The following ANKS1B variants were observed in gnomAD, a reference collection of about 807,000 sequenced individuals.
The protein encoded by ANKS1B is ankyrin repeat and sterile alpha motif domain containing 1B, also known as ankyrin repeat and sterile alpha motif domain-containing protein 1B.
Under a neutral mutation model 148.3 loss-of-function variants are expected in ANKS1B, and 36 were observed. The observed-to-expected ratio is 0.24, with a 90% CI of 0.19 to 0.32. The LOEUF is 0.32. ANKS1B is among the 10% of genes least tolerant of loss of function. The probability of loss-of-function intolerance (pLI) is 1.00; values close to 1 mark genes in which losing one functional copy is unlikely to be tolerated. For missense variants in ANKS1B, 1,157 were observed against 1,542.6 expected (o/e 0.75, Z 4.19); for synonymous variants, 542 against 560.8 (o/e 0.97, Z 0.47).
At chr12:99,950,328 A>C (rs1426036367) in intron 1 of ANKS1B, among the ~76,000 whole-genome samples, 1 of 151,908 alleles carries the variant, frequency 6.6e-6, no homozygotes, top group Non-Finnish European at 1.5e-5. Context: ...CCTGACTGAT[A>C]AATTATCAAG....
chr12:99,533,068 A>G (rs2097018717), intron 9 of ANKS1B, among the ~76,000 whole-genome samples: 1 of 152,176 alleles, frequency 6.6e-6, no homozygotes, highest in South Asian at 2.1e-4. Flanking sequence ...GTGAAGAATG[A>G]CATTGGTATT....
chr12:99,623,202 C>T (rs1424129833), intron 9 of ANKS1B, among the ~76,000 whole-genome samples: 3 of 151,858 alleles, frequency 2.0e-5, no homozygotes, highest in Non-Finnish European at 4.4e-5. Context: ...AATCTAACAT[C>T]TCTTCATGAT....
intron 14 of ANKS1B, among the ~76,000 whole-genome samples, chr12:99,215,856 A>G (rs1038936930): frequency 1.3e-5 from 2 of 152,200 alleles, no homozygotes; most frequent in African/African-American, 4.8e-5. Flanking sequence ...TTAATGCTAA[A>G]ATGAGTTAAG....
chr12:99,811,786 C>T (rs931951733), intron 3 of ANKS1B, among the ~76,000 whole-genome samples: 1 of 151,828 alleles, frequency 6.6e-6, no homozygotes, highest in Non-Finnish European at 1.5e-5. Flanking sequence ...AAATGATAGG[C>T]ATATCATTGT....
In ANKS1B at chr12:98,829,477, G is replaced by T; in HGVS notation, c.2887-124C>A. 1 of 845,084 alleles carries T rather than the reference G, an allele frequency of 1.2e-6. No homozygotes were observed. The highest frequency in any genetic ancestry group is 1.8e-6 in the Non-Finnish European group (1 of 542,866). 52.3% of individuals were successfully genotyped at this position (845,084 alleles called of 1,614,324 possible). A position where few individuals can be genotyped will look rare whatever the true frequency, so the allele number is the denominator to read the frequency against. ...AGTCGCTTTTGAAGCAACAGCCAAG[G>T]AATGAATGACATTCCACCACTTTAT... On this transcript the variant is annotated intron_variant, in intron 18 of 26. Transcript: ENST00000683438. The surrounding 1 kb of genome is among the most constrained non-coding windows in gnomAD (Gnocchi z 5.2).
chr12:99,548,696 CAAT>C (rs1428413115), intron 9 of ANKS1B, among the ~76,000 whole-genome samples: 1 of 151,996 alleles, frequency 6.6e-6, no homozygotes, highest in Admixed American at 6.6e-5. Context: ...AAAAGAAAAA[CAAT>C]AAGAAAAGGA....
intron 19 of ANKS1B, among the ~76,000 whole-genome samples, chr12:98,824,823 T>G (rs1419244354): frequency 6.6e-6 from 1 of 152,078 alleles, no homozygotes; most frequent in African/African-American, 2.4e-5. Context: ...TGCTGAAGGA[T>G]CAACAAATAA....
intron 12 of ANKS1B, among the ~76,000 whole-genome samples, chr12:99,270,929 T>C (rs1326508276): frequency 6.6e-6 from 1 of 152,218 alleles, no homozygotes; most frequent in East Asian, 1.9e-4. Flanking sequence ...ACAGATCTTA[T>C]TACTGAAGAT....
At chr12:99,570,533 G>A (rs1193305441) in intron 9 of ANKS1B, among the ~76,000 whole-genome samples, 1 of 151,940 alleles carries the variant, frequency 6.6e-6, no homozygotes, top group Non-Finnish European at 1.5e-5. Flanking sequence ...TGTAGTCCCA[G>A]CTACTCAGGA....
intron 14 of ANKS1B, among the ~76,000 whole-genome samples, chr12:99,178,653 A>C (rs532760657): frequency 7.2e-5 from 11 of 152,188 alleles, no homozygotes; most frequent in Non-Finnish European, 1.6e-4. Context: ...TATTGTTATT[A>C]TATTTTTCTG....
chr12:99,632,771 T>TTTTTTA (rs71088133), intron 9 of ANKS1B, among the ~76,000 whole-genome samples: 14 of 50,730 alleles, frequency 2.8e-4, no homozygotes, highest in Admixed American at 7.3e-4. Context: ...ATATATATTT[T>TTTTTTA]AATTATACTT....
chr12:99,920,112 T>C (rs1214670359), intron 1 of ANKS1B, among the ~76,000 whole-genome samples: 2 of 152,130 alleles, frequency 1.3e-5, no homozygotes, highest in African/African-American at 4.8e-5. Context: ...AGCAAAGACT[T>C]AGCACTACAG....
At position 98,855,835 on chromosome 12, in the gene ANKS1B, C is replaced by T. The variant is rs983960363; in HGVS notation, c.2779-23699G>A. 3.9e-5 allele frequency among the ~76,000 whole-genome samples: 6 copies of T among 151,948 alleles called. No homozygotes were observed. In the South Asian group the frequency reaches 1.0e-3, roughly 26 times the overall value. On this transcript the variant is annotated intron_variant, in intron 17 of 26. Coordinates refer to ENST00000683438, the MANE Select transcript of ANKS1B (RefSeq NM_001352186.2). ...TGTCCTTCTCCCTTTTTTTTTACTACTGGCATTGTCATACAAACTTTGTGT... is the reference window on the plus strand; with the variant it reads ...TGTCCTTCTCCCTTTTTTTTTACTATTGGCATTGTCATACAAACTTTGTGT...
chr12:99,464,455 G>A (rs570856411), intron 10 of ANKS1B, among the ~76,000 whole-genome samples: 53 of 152,338 alleles, frequency 3.5e-4, no homozygotes, highest in African/African-American at 6.7e-4. Context: ...TGACTTTGAC[G>A]AGTTGAGAGA....
chr12:99,117,746 T>C (rs1210462584), intron 15 of ANKS1B, among the ~76,000 whole-genome samples: 4 of 152,218 alleles, frequency 2.6e-5, no homozygotes, highest in African/African-American at 9.6e-5. Flanking sequence ...CTTTTTCTAT[T>C]GTTTGAAATA....
intron 14 of ANKS1B, among the ~76,000 whole-genome samples, chr12:99,226,601 T>C (rs2085977957): frequency 6.6e-6 from 1 of 152,176 alleles, no homozygotes; most frequent in South Asian, 2.1e-4. Flanking sequence ...CGGACAAACG[T>C]ATTCATTTTC....
Position 99,180,178 on chromosome 12 carries a change from G to A in ANKS1B, c.2420-25783C>T, listed in dbSNP as rs187422624. ...TTCATCTCCTCAGCAAGAATTTCTA[G>A]GATACTTCCAGTTTTCTTCTTCTTA... On this transcript the variant is annotated intron_variant, in intron 14 of 26. Coordinates refer to ENST00000683438, the MANE Select transcript of ANKS1B (RefSeq NM_001352186.2). Among the ~76,000 whole-genome samples, 751 of 152,184 alleles carry A rather than the reference G, an allele frequency of 4.9e-3. 4 individuals are homozygous for A. Among genetic ancestry groups the A allele is most frequent in the South Asian group, 0.017 (80 of 4,822 alleles).
At position 99,399,799 on chromosome 12, in the gene ANKS1B, T is replaced by C. The variant is rs1445606537; in HGVS notation, c.1588A>G (p.Thr530Ala). 1 of 1,613,404 alleles carries C rather than the reference T, an allele frequency of 6.2e-7. No homozygotes were observed. The highest frequency in any genetic ancestry group is 1.1e-5 in the South Asian group (1 of 91,076). Reference protein sequence around the residue: ...KVIRPQPKQRTSIVSSLDFHR... With the variant: ...KVIRPQPKQRASIVSSLDFHR... Reference sequence around the variant, plus strand: ...AAATCCAGAGAAGACACAATGGATGTTCGCTGTTTAGGCTAAAATAAATGA... The same window carrying C: ...AAATCCAGAGAAGACACAATGGATGCTCGCTGTTTAGGCTAAAATAAATGA... The change falls in exon 12 of 27, where the codon ACA (threonine) becomes GCA (alanine). Residue 530 changes from threonine (T) to alanine (A), a missense_variant. Thr to Ala is a moderately conservative substitution (Grantham distance 58). Transcript: ENST00000683438.
intron 9 of ANKS1B, among the ~76,000 whole-genome samples, chr12:99,640,208 AAAATT>A (rs2098288468): frequency 6.6e-6 from 1 of 152,114 alleles, no homozygotes; most frequent in Admixed American, 6.5e-5. Context: ...AAAATAAAAT[AAAATT>A]AGACAAAAAC....
Sources: allele counts gnomAD v4.1 joint callset (sites outside exome capture counted in the v4.1 genomes callset), GRCh38; gene constraint gnomAD v4.1.1; non-coding constraint Gnocchi (gnomAD v3.1); transcripts MANE v1.5; gene names NCBI Gene and HGNC (gene_info 2026-07-23, HGNC 2026-07-21).